The following TPRG1 variants were observed in gnomAD, a reference collection of about 807,000 sequenced individuals.
TPRG1 encodes the protein tumor protein p63 regulated 1, also known as tumor protein p63-regulated gene 1 protein.
A neutral mutation model predicts 29.3 loss-of-function variants in TPRG1; 29 were observed. That is an observed-to-expected ratio of 0.99 (90% CI 0.74 to 1.35). The LOEUF (loss-of-function observed/expected upper bound fraction) is 1.35. Among genes scored for constraint, TPRG1 ranks in the 40% most tolerant of loss-of-function variants. The pLI, the probability that TPRG1 is intolerant of heterozygous loss-of-function variation, is 0.00. For synonymous variants in TPRG1, 130 were observed against 116.8 expected, an observed-to-expected ratio of 1.11 and a Z score of -0.73; for missense variants, 327 against 335.0, an observed-to-expected ratio of 0.98 and a Z score of 0.19.
chr3:189,078,103 T>G (rs868524747), intron 4 of TPRG1, among the ~76,000 whole-genome samples: 2 of 121,104 alleles, frequency 1.7e-5, no homozygotes, highest in Non-Finnish European at 3.5e-5. Context: ...CTTTCTTTCT[T>G]TCTTTCTTTC....
chr3:189,104,361 G>A (rs1254421170), intron 1 of TPRG1, among the ~76,000 whole-genome samples: 1 of 151,972 alleles, frequency 6.6e-6, no homozygotes, highest in Non-Finnish European at 1.5e-5. Context: ...CATCTGGGTT[G>A]GAATTGCAAA....
intron 3 of TPRG1, among the ~76,000 whole-genome samples, chr3:189,019,823 G>T (rs1446792405): frequency 6.7e-6 from 1 of 149,338 alleles, no homozygotes; most frequent in Non-Finnish European, 1.5e-5. Context: ...GTTCCTCCTT[G>T]TACCTCTGGT....
intron 4 of TPRG1, among the ~76,000 whole-genome samples, chr3:189,285,738 T>A (rs995395512): frequency 6.6e-6 from 1 of 152,200 alleles, no homozygotes; most frequent in African/African-American, 2.4e-5. Flanking sequence ...GCTGATTCAC[T>A]TGCTCGAGGT....
intron 4 of TPRG1, among the ~76,000 whole-genome samples, chr3:189,032,847 G>A (rs1247255196): frequency 1.4e-5 from 2 of 147,008 alleles, no homozygotes; most frequent in African/African-American, 5.1e-5. Context: ...AACATGCGGT[G>A]TTTGGTTTTT....
chr3:189,160,469 T>C (rs1336839722), intron 5 of TPRG1, among the ~76,000 whole-genome samples: 1 of 152,212 alleles, frequency 6.6e-6, no homozygotes, highest in African/African-American at 2.4e-5. Context: ...CATTTAGGTT[T>C]TTCTCAGCAT....
At chr3:189,235,551 G>A (rs1739328788) in intron 3 of TPRG1, among the ~76,000 whole-genome samples, 1 of 152,100 alleles carries the variant, frequency 6.6e-6, no homozygotes, top group South Asian at 2.1e-4. Context: ...CCCCAAGCTA[G>A]GGGACACTGA....
rs377067149 is a variant in TPRG1, at chr3:189,207,452, C to T, written c.68C>T (p.Pro23Leu). Residue 23 changes from proline (P) to leucine (L), a missense_variant, in exon 2 of 6, where the codon CCC (proline) becomes CTC (leucine). Coordinates refer to ENST00000345063, the MANE Select transcript of TPRG1 (RefSeq NM_198485.4). Reference protein sequence around the residue: ...VSLKQEGDDQPSETDHLSMEE... With the variant: ...VSLKQEGDDQLSETDHLSMEE... ...CTGAAGCAAGAGGGAGATGACCAAC[C>T]CTCTGAGACTGACCACCTATCGATG... The T allele has an allele frequency of 2.5e-6, 4 of 1,613,860 alleles. No homozygotes were observed. In the South Asian group the frequency reaches 3.3e-5, roughly 13 times the overall value.
intron 3 of TPRG1, among the ~76,000 whole-genome samples, chr3:189,231,943 T>TTTTGTGTGTGTGTGTGTGTG (rs984741268): frequency 6.8e-6 from 1 of 147,588 alleles, no homozygotes; most frequent in African/African-American, 2.5e-5. Flanking sequence ...CAAACCTGGT[T>TTTTGTGTGTGTGTGTGTGTG]TGTGTGTGTG....
chr3:189,212,414 C>A (rs1348456703), intron 2 of TPRG1, among the ~76,000 whole-genome samples: 1 of 152,086 alleles, frequency 6.6e-6, no homozygotes, highest in Non-Finnish European at 1.5e-5. Flanking sequence ...TTCCCTGTGT[C>A]TTGCTTTCAC....
At chr3:189,243,023 C>T (rs1740861691) in intron 4 of TPRG1, among the ~76,000 whole-genome samples, 1 of 151,382 alleles carries the variant, frequency 6.6e-6, no homozygotes, top group Admixed American at 6.6e-5. Context: ...TCTTTCTTTC[C>T]TCATATTGGT....
chr3:189,208,685 T>G (rs1220342637), intron 2 of TPRG1, among the ~76,000 whole-genome samples: 1 of 152,218 alleles, frequency 6.6e-6, no homozygotes, highest in African/African-American at 2.4e-5. Context: ...TTTCTGCATA[T>G]GTAGAGCATA....
intron 1 of TPRG1, among the ~76,000 whole-genome samples, chr3:189,104,844 G>A (rs1246153310): frequency 6.6e-6 from 1 of 151,938 alleles, no homozygotes; most frequent in African/African-American, 2.4e-5. Flanking sequence ...ACCTTCATCT[G>A]CATAACTCCT....
At chr3:189,243,564 A>T (rs1339731572) in intron 4 of TPRG1, among the ~76,000 whole-genome samples, 3 of 151,686 alleles carry the variant, frequency 2.0e-5, no homozygotes, top group Non-Finnish European at 4.4e-5. Context: ...TTCCTACCAT[A>T]TGGCCAGTCT....
At chr3:189,287,109 T>G (rs1718184547) in intron 4 of TPRG1, among the ~76,000 whole-genome samples, 1 of 152,124 alleles carries the variant, frequency 6.6e-6, no homozygotes, top group African/African-American at 2.4e-5. Flanking sequence ...TTCATCATGC[T>G]TGTCACCGCA....
chr3:189,092,280 G>A (rs1199758075), intron 4 of TPRG1, among the ~76,000 whole-genome samples: 1 of 152,146 alleles, frequency 6.6e-6, no homozygotes, highest in African/African-American at 2.4e-5. Context: ...AGTCATTTTA[G>A]GATGAGGCCT....
At chr3:189,052,349 A>G (rs2152140078) in intron 4 of TPRG1, among the ~76,000 whole-genome samples, 1 of 152,368 alleles carries the variant, frequency 6.6e-6, no homozygotes, top group Admixed American at 6.5e-5. Context: ...AATGCTCAAC[A>G]TCACTGATGA....
chr3:189,209,943 T>C (rs1022125477), intron 2 of TPRG1, among the ~76,000 whole-genome samples: 1 of 151,934 alleles, frequency 6.6e-6, no homozygotes, highest in African/African-American at 2.4e-5. Flanking sequence ...AGAGCTCTTA[T>C]TGCCATGTGA....
chr3:189,258,453 G>C (rs551902577), intron 4 of TPRG1, among the ~76,000 whole-genome samples: 1 of 152,124 alleles, frequency 6.6e-6, no homozygotes, highest in Non-Finnish European at 1.5e-5. Flanking sequence ...CCTGCTGGAC[G>C]TGTCTCCCCA....
At chr3:189,056,036 CCTTCCTTCCTTCCTTCCTT>C (rs1560417913) in intron 4 of TPRG1, among the ~76,000 whole-genome samples, 16 of 37,342 alleles carry the variant, frequency 4.3e-4, no homozygotes, top group South Asian at 3.1e-3. Context: ...TCCCTCCCTT[CCTTCCTTCCTTCCTTCCTT>C]CCTTCCTTCC....
Sources: gnomAD v4.1 joint callset for allele counts (sites outside exome capture counted in the v4.1 genomes callset) on GRCh38, gnomAD v4.1.1 for gene constraint, MANE v1.5 for transcripts, NCBI Gene and HGNC (gene_info 2026-07-23, HGNC 2026-07-21) for gene names.